The following AMN1 variants were observed in gnomAD, a reference collection of about 807,000 sequenced individuals.
AMN1 encodes the protein antagonist of mitotic exit network 1 homolog, also known as protein AMN1 homolog.
A neutral mutation model predicts 33.0 loss-of-function variants in AMN1; 20 were observed. That is an observed-to-expected ratio of 0.61 (90% CI 0.43 to 0.88). AMN1 has a LOEUF of 0.88. AMN1 is among the 40% of genes least tolerant of loss of function. The pLI is 0.00. For missense variants in AMN1, 246 were observed against 307.4 expected (o/e 0.80, Z 1.49); for synonymous variants, 114 against 111.9 (o/e 1.02, Z -0.12).
At chr12:31,724,014 TGA>T (rs1429740327) in intron 1 of AMN1, among the ~76,000 whole-genome samples, 1 of 152,202 alleles carries the variant, frequency 6.6e-6, no homozygotes, top group Non-Finnish European at 1.5e-5. Flanking sequence ...TTGAAGTGAC[TGA>T]CAATCACTCC....
At chr12:31,718,585 A>T (rs1055631651) in intron 1 of AMN1, among the ~76,000 whole-genome samples, 4 of 151,918 alleles carry the variant, frequency 2.6e-5, no homozygotes, top group Non-Finnish European at 5.9e-5. Context: ...TGACCTATGG[A>T]TGGGGTTTTG....
rs1951286069 is a variant in AMN1, at chr12:31,672,149, C to G, written c.*155G>C. 5.0e-6 allele frequency: 3 copies of G among 603,534 alleles called. No homozygotes were observed. The highest frequency in any genetic ancestry group is 4.3e-5 in the South Asian group (2 of 46,432). 37.4% of individuals were successfully genotyped at this position (603,534 alleles called of 1,614,324 possible). On this transcript the variant is annotated 3_prime_UTR_variant, in exon 7 of 7. Transcript: ENST00000281471. ...GAGTAAAGCACAAACCATGTATATA[C>G]CAAGACTTAGCTAATTCTCTGAGAG... is the stretch of plus-strand genomic sequence containing the variant.
At chr12:31,708,968 CGGAGTTCGAGACCA>C (rs1467948004) in intron 2 of AMN1, 9 of 402,122 alleles carry the variant, frequency 2.2e-5, no homozygotes, top group African/African-American at 4.1e-5. Flanking sequence ...ACTTGAGCTC[CGGAGTTCGAGACCA>C]GCCTGGGCAA....
chr12:31,701,288 C>G (rs917150952), intron 3 of AMN1, among the ~76,000 whole-genome samples: 1 of 151,960 alleles, frequency 6.6e-6, no homozygotes, highest in Non-Finnish European at 1.5e-5. Context: ...CATGAGCCAC[C>G]GCACCTGGCC....
chr12:31,693,204 A>C (rs912117738), intron 5 of AMN1, among the ~76,000 whole-genome samples: 1 of 152,124 alleles, frequency 6.6e-6, no homozygotes, highest in Non-Finnish European at 1.5e-5. Context: ...CAGACTCCTG[A>C]GCAGCTGGGA....
chr12:31,689,040 T>A lies in AMN1; in HGVS notation c.670A>T (p.Ile224Leu), dbSNP rs1423535945. The change falls in exon 6 of 7, where the codon ATA becomes TTA. Residue 224 changes from isoleucine (I) to leucine (L), a missense_variant. Coordinates refer to ENST00000281471, the MANE Select transcript of AMN1 (RefSeq NM_001113402.2). ...AAGGGGCATCCATGGAAGAGTAATA[T>A]ACGTATTTGAGGACAGTAAGTAAGG... ...AVLTYCPQIR[I>L]LLFHGCPLIT... 6.2e-7 allele frequency: 1 copy of A among 1,613,380 alleles called. No individual in the cohort carries two copies. Among genetic ancestry groups the A allele is most frequent in the Admixed American group, 1.7e-5 (1 of 59,980 alleles).
At chr12:31,727,733 T>C (rs1346500888) in intron 1 of AMN1, among the ~76,000 whole-genome samples, 3 of 152,308 alleles carry the variant, frequency 2.0e-5, no homozygotes, top group African/African-American at 7.2e-5. Context: ...ATTATAGTTA[T>C]TTATTTTATT....
At chr12:31,700,325 T>C (rs1378231874) in intron 3 of AMN1, among the ~76,000 whole-genome samples, 1 of 152,080 alleles carries the variant, frequency 6.6e-6, no homozygotes, top group African/African-American at 2.4e-5. Context: ...ATTGTGCCAC[T>C]GCATTCCAGC....
In AMN1 at chr12:31,689,111, T is replaced by A. The variant is rs1170577444; in HGVS notation, c.599A>T (p.His200Leu). The change falls in exon 6 of 7, where the codon CAT becomes CTT. Residue 200 changes from histidine to leucine, a missense_variant. By Grantham distance (99) the His-to-Leu change is moderately conservative. Coordinates refer to ENST00000281471, the MANE Select transcript of AMN1 (RefSeq NM_001113402.2). Reference protein sequence around the residue: ...GPCAKKLEEIHMGHCVNLTDG... With the variant: ...GPCAKKLEEILMGHCVNLTDG... ...AGTCAGATTTACACAATGTCCCATA[T>A]GAATCTCCTATGCAAAAATAAAGAA... is the stretch of plus-strand genomic sequence containing the variant. The A allele has an allele frequency of 1.9e-6, 3 of 1,605,526 alleles. No homozygotes were observed. The highest frequency in any genetic ancestry group is 2.6e-6 in the Non-Finnish European group (3 of 1,173,110).
intron 6 of AMN1, among the ~76,000 whole-genome samples, chr12:31,685,157 T>C (rs1157978597): frequency 6.6e-6 from 1 of 151,846 alleles, no homozygotes; most frequent in African/African-American, 2.4e-5. Flanking sequence ...GCCTCCCAAG[T>C]AGCTGGGATT....
At chr12:31,706,237 G>C (rs1431971563) in intron 2 of AMN1, among the ~76,000 whole-genome samples, 1 of 150,578 alleles carries the variant, frequency 6.6e-6, no homozygotes, top group African/African-American at 2.4e-5. Context: ...GCGTGAACCT[G>C]GGAGGCAGAG....
chr12:31,712,972 A>C (rs1271123032), intron 1 of AMN1, among the ~76,000 whole-genome samples: 1 of 152,218 alleles, frequency 6.6e-6, no homozygotes, highest in Non-Finnish European at 1.5e-5. Flanking sequence ...GGTTATTACA[A>C]ATAGTGCTGC....
At chr12:31,726,369 C>A (rs1940070278) in intron 1 of AMN1, among the ~76,000 whole-genome samples, 1 of 152,022 alleles carries the variant, frequency 6.6e-6, no homozygotes, top group African/African-American at 2.4e-5. Flanking sequence ...CCATGTTGGT[C>A]AGACTAGTCT....
intron 2 of AMN1, among the ~76,000 whole-genome samples, chr12:31,706,454 T>C (rs1391635189): frequency 1.3e-5 from 2 of 151,804 alleles, no homozygotes; most frequent in Non-Finnish European, 2.9e-5. Flanking sequence ...GCAGACTAGA[T>C]GGTGATGGCT....
chr12:31,727,935 G>A (rs1206194584), intron 1 of AMN1, among the ~76,000 whole-genome samples: 1 of 152,086 alleles, frequency 6.6e-6, no homozygotes, highest in African/African-American at 2.4e-5. Context: ...GTTTTGCCGT[G>A]CTGGCTAGGC....
chr12:31,690,024 C>T (rs1489307310), intron 5 of AMN1, among the ~76,000 whole-genome samples: 1 of 152,208 alleles, frequency 6.6e-6, no homozygotes, highest in Non-Finnish European at 1.5e-5. Flanking sequence ...CCTTTCCATT[C>T]CTGAGTTACT....
chr12:31,681,890 T>A (rs1483719634), intron 6 of AMN1, among the ~76,000 whole-genome samples: 1 of 152,082 alleles, frequency 6.6e-6, no homozygotes, highest in Non-Finnish European at 1.5e-5. Flanking sequence ...TTGCCCAGGC[T>A]GGTGTCAAAC....
rs57266162 is a variant in AMN1 at position 31,722,130 on chromosome 12, GACACACACACACACAC to G, written c.38+6825_38+6840del. 3.1e-3 allele frequency among the ~76,000 whole-genome samples: 440 copies of G among 144,062 alleles called. 8 individuals are homozygous for G. In the South Asian group the frequency reaches 0.043, roughly 14 times the overall value. 94.5% of individuals were successfully genotyped at this position (144,062 alleles called of 152,430 possible). A position where few individuals can be genotyped will look rare whatever the true frequency, so the allele number is the denominator to read the frequency against. On this transcript the variant is annotated intron_variant, in intron 1 of 6. Transcript: ENST00000281471. ...GACAAGTTGACTATATCAGGCCTTT[GACACACACACACACAC>G]ACACACACACACACACACACACACA...
Position 31,683,537 on chromosome 12 carries a change from T to C in AMN1, c.703+5470A>G, listed in dbSNP as rs1029571520. On this transcript the variant is annotated intron_variant, in intron 6 of 6. Transcript: ENST00000281471. The surrounding 1 kb of genome is among the most constrained non-coding windows in gnomAD (Gnocchi z 4.1). Reference sequence around the variant, plus strand: ...GTGAGAGGGACCCGGTGGGAGGTAATTGAATCATGGGGGCAAGTCTTTCCT... The same window carrying C: ...GTGAGAGGGACCCGGTGGGAGGTAACTGAATCATGGGGGCAAGTCTTTCCT... Among the ~76,000 whole-genome samples, 1 of 152,166 alleles carries C rather than the reference T, an allele frequency of 6.6e-6. No individual in the cohort carries two copies. The highest frequency in any genetic ancestry group is 1.5e-5 in the Non-Finnish European group (1 of 68,032).
Sources: allele counts gnomAD v4.1 joint callset (sites outside exome capture counted in the v4.1 genomes callset), GRCh38; gene constraint gnomAD v4.1.1; non-coding constraint Gnocchi (gnomAD v3.1); transcripts MANE v1.5; gene names NCBI Gene and HGNC (gene_info 2026-07-23, HGNC 2026-07-21).